The following MAP3K21 variants were observed in gnomAD, a reference collection of about 807,000 sequenced individuals.
MAP3K21 encodes mitogen-activated protein kinase kinase kinase 21.
A neutral mutation model predicts 86.1 loss-of-function variants in MAP3K21; 63 were observed. That is an observed-to-expected ratio of 0.73 (90% CI 0.60 to 0.90). The LOEUF is 0.90. MAP3K21 is among the 40% of genes least tolerant of loss of function. The pLI, the probability that MAP3K21 is intolerant of heterozygous loss-of-function variation, is 0.00. For missense variants in MAP3K21, 1,220 were observed against 1,367.7 expected, an observed-to-expected ratio of 0.89 and a Z score of 1.70; for synonymous variants, 558 against 564.8, an observed-to-expected ratio of 0.99 and a Z score of 0.17.
rs1013311171 is a variant in MAP3K21, at chr1:233,383,938, A to G, written c.*1227A>G. On this transcript the variant is annotated 3_prime_UTR_variant, in exon 10 of 10. Transcript: ENST00000366624. The stretch of plus-strand genomic sequence containing the variant: ...TTATCTATGAATCACTTTTATGGTC[A>G]TACATATATGATACAAATCCAGAGT... 1 of 152,334 alleles carries G rather than the reference A, an allele frequency of 6.6e-6. No homozygotes were observed. The highest frequency in any genetic ancestry group is 2.1e-4 in the South Asian group (1 of 4,826). The allele number at this position is 152,334 out of a possible 1,614,324, so 9.4% of individuals were successfully genotyped here.
chr1:233,380,103 A>G (rs1474231357), intron 9 of MAP3K21, among the ~76,000 whole-genome samples: 1 of 152,106 alleles, frequency 6.6e-6, no homozygotes, highest in African/African-American at 2.4e-5. Context: ...TGTACATGTC[A>G]TTGTTCTGTT....
chr1:233,365,081 C>T (rs983658423), intron 5 of MAP3K21, among the ~76,000 whole-genome samples: 5 of 152,046 alleles, frequency 3.3e-5, no homozygotes, highest in East Asian at 1.9e-4. Context: ...TGGAGAATTC[C>T]GCTTAGTATA....
intron 9 of MAP3K21, among the ~76,000 whole-genome samples, chr1:233,380,376 T>G (rs1483975988): frequency 6.6e-6 from 1 of 152,194 alleles, no homozygotes; most frequent in African/African-American, 2.4e-5. Context: ...AATCTCTTTT[T>G]AGGACATCAG....
chr1:233,328,655 C>T lies in MAP3K21; in HGVS notation c.627C>T (p.Asn209=), dbSNP rs1379060438. The stretch of plus-strand genomic sequence containing the variant: ...AGTTCGCCCGCGGCGGAGCGCTCAA[C>T]CGAGCGCTGGCCGCTGCCAACGCCG... The part of the protein sequence containing the change: ...VLEFARGGAL[N]RALAAANAAP... The change falls in exon 1 of 10, where the codon AAC becomes AAT. Residue 209 remains asparagine (N), a synonymous_variant. Coordinates refer to ENST00000366624, the MANE Select transcript of MAP3K21 (RefSeq NM_032435.3). This position sits in a 1 kb window ranked among gnomAD's most constrained non-coding sequence, Gnocchi z 8.7. 1.4e-5 allele frequency: 19 copies of T among 1,371,064 alleles called. No homozygotes were observed. The highest frequency in any genetic ancestry group is 3.6e-5 in the Admixed American group (1 of 28,102). 84.9% of individuals were successfully genotyped at this position (1,371,064 alleles called of 1,614,324 possible). A position where few individuals can be genotyped will look rare whatever the true frequency, so the allele number is the denominator to read the frequency against.
At chr1:233,339,440 C>T (rs375903262) in intron 1 of MAP3K21, among the ~76,000 whole-genome samples, 28 of 82,366 alleles carry the variant, frequency 3.4e-4, no homozygotes, top group East Asian at 1.0e-3. Context: ...TTCTCCTCCT[C>T]CTTCTCCTCC....
At chr1:233,339,611 G>T (rs1167738918) in intron 1 of MAP3K21, among the ~76,000 whole-genome samples, 1 of 151,676 alleles carries the variant, frequency 6.6e-6, no homozygotes, top group Non-Finnish European at 1.5e-5. Flanking sequence ...CTCCCAAATA[G>T]CTGGGGCTAT....
intron 2 of MAP3K21, among the ~76,000 whole-genome samples, chr1:233,351,097 A>G (rs1201366315): frequency 8.3e-6 from 1 of 120,168 alleles, no homozygotes; most frequent in East Asian, 2.8e-4. Context: ...TAGTTATTCT[A>G]TGTAAGTTTT....
At chr1:233,371,556 T>C (rs1572255260) in intron 5 of MAP3K21, among the ~76,000 whole-genome samples, 2 of 152,180 alleles carry the variant, frequency 1.3e-5, no homozygotes, top group Middle Eastern at 3.4e-3. Flanking sequence ...GATGGGGTTT[T>C]GCCATGTTGG....
Position 233,378,917 on chromosome 1 carries a change from A to T in MAP3K21, c.1925-14A>T, listed in dbSNP as rs200574499. The stretch of plus-strand genomic sequence containing the variant: ...AAATGATACTACAGTGTATGTACTT[A>T]TACCTTTATTTAGGGTCCTGTGAAG... On this transcript the variant is annotated splice_polypyrimidine_tract_variant and intron_variant, in intron 8 of 9. Coordinates refer to ENST00000366624, the MANE Select transcript of MAP3K21 (RefSeq NM_032435.3). 8.9e-5 allele frequency: 141 copies of T among 1,582,236 alleles called. No individual in the cohort carries two copies. The highest frequency in any genetic ancestry group is 3.7e-4 in the Admixed American group (21 of 57,204).
At chr1:233,357,362 C>A (rs182558520) in intron 4 of MAP3K21, among the ~76,000 whole-genome samples, 2 of 151,520 alleles carry the variant, frequency 1.3e-5, no homozygotes, top group Non-Finnish European at 2.9e-5. Context: ...ATGTAAGAAA[C>A]CTGCACGTTG....
rs1404276395 is a variant in MAP3K21 at position 233,379,655 on chromosome 1, A to G, written c.2649A>G (p.Ser883=). 1.9e-6 allele frequency: 3 copies of G among 1,613,942 alleles called. No individual in the cohort carries two copies. Among genetic ancestry groups the G allele is most frequent in the African/African-American group, 1.3e-5 (1 of 75,046 alleles). ...TCGNVPYCAS[S]KHRPSHHRRT... ...GGAATGTACCTTACTGTGCTTCTTC[A>G]AAACATAGACCGTCACATCACAGAC... Residue 883 remains serine (S), a synonymous_variant, in exon 9 of 10, where the codon TCA becomes TCG. Coordinates refer to ENST00000366624, the MANE Select transcript of MAP3K21 (RefSeq NM_032435.3).
chr1:233,333,903 C>T (rs1359633554), intron 1 of MAP3K21, among the ~76,000 whole-genome samples: 1 of 152,074 alleles, frequency 6.6e-6, no homozygotes, highest in Non-Finnish European at 1.5e-5. Context: ...TCGCTCTGTC[C>T]CCAGGCTGGA....
At chr1:233,334,648 G>A (rs1662879023) in intron 1 of MAP3K21, among the ~76,000 whole-genome samples, 1 of 152,160 alleles carries the variant, frequency 6.6e-6, no homozygotes, top group African/African-American at 2.4e-5. Flanking sequence ...GGCAGTGAGT[G>A]CCATGGATGC....
rs935097513 is a variant in MAP3K21, at chr1:233,327,754, G to C, written c.-275G>C. The C allele has an allele frequency of 1.5e-5, 4 of 274,124 alleles. No homozygotes were observed. The highest frequency in any genetic ancestry group is 1.7e-4 in the South Asian group (1 of 5,992). The allele number at this position is 274,124 out of a possible 1,614,324, so 17.0% of individuals were successfully genotyped here. On this transcript the variant is annotated 5_prime_UTR_variant, in exon 1 of 10. Transcript: ENST00000366624. ...AGGCTCTGGCTAAGGAGCGCGCGGC[G>C]GGCGGGCCGGCCGCAGGGCCTGGGC... is the stretch of plus-strand genomic sequence containing the variant.
chr1:233,357,310 G>A (rs1296686576), intron 4 of MAP3K21, among the ~76,000 whole-genome samples: 1 of 151,626 alleles, frequency 6.6e-6, no homozygotes, highest in East Asian at 1.9e-4. Context: ...TGTAAATGAT[G>A]AGTTAATGGG....
intron 2 of MAP3K21, among the ~76,000 whole-genome samples, chr1:233,350,564 T>C (rs1663232519): frequency 6.6e-6 from 1 of 152,200 alleles, no homozygotes; most frequent in African/African-American, 2.4e-5. Flanking sequence ...GATTGGTGAT[T>C]TTATATTTCT....
intron 5 of MAP3K21, among the ~76,000 whole-genome samples, chr1:233,366,699 T>A (rs1256428395): frequency 6.6e-6 from 1 of 152,242 alleles, no homozygotes; most frequent in East Asian, 1.9e-4. Flanking sequence ...CCTTTAATAT[T>A]TGTGCCTGCA....
chr1:233,376,580 T>C (rs1257210589), intron 8 of MAP3K21, 53 bp downstream of exon 8: 21 of 1,294,812 alleles, frequency 1.6e-5, no homozygotes, highest in Non-Finnish European at 2.2e-5. Flanking sequence ...GGCATCTGAT[T>C]GTGCTGAAGC....
intron 2 of MAP3K21, among the ~76,000 whole-genome samples, chr1:233,350,041 T>G (rs573370321): frequency 6.6e-6 from 1 of 152,270 alleles, no homozygotes; most frequent in Admixed American, 6.5e-5. Context: ...TTTTTCCCGT[T>G]ACTAGCTTGG....
Sources: gnomAD v4.1 joint callset for allele counts (sites outside exome capture counted in the v4.1 genomes callset) on GRCh38, gnomAD v4.1.1 for gene constraint, Gnocchi (gnomAD v3.1) non-coding constraint, MANE v1.5 for transcripts, NCBI Gene and HGNC (gene_info 2026-07-23, HGNC 2026-07-21) for gene names.